NFYC: variants seen among roughly 807,000 people sequenced by gnomAD.
NFYC encodes the protein CAAT box DNA-binding protein subunit C.
NFYC carries 25 observed loss-of-function variants against 53.1 expected under a neutral mutation model. The ratio of observed to expected loss-of-function variants is 0.47; its 90% CI spans 0.34 to 0.66. The LOEUF is 0.66. NFYC is among the 30% of genes least tolerant of loss of function. NFYC has a pLI of 0.01. For missense variants in NFYC, 260 were observed against 422.7 expected, an observed-to-expected ratio of 0.62 and a Z score of 3.38; for synonymous variants, 145 against 152.6, an observed-to-expected ratio of 0.95 and a Z score of 0.37.
intron 1 of NFYC, among the ~76,000 whole-genome samples, chr1:40,727,527 A>G (rs1380532637): frequency 1.5e-5 from 2 of 134,356 alleles, no homozygotes; most frequent in African/African-American, 2.6e-5. Context: ...CTGGCCATGA[A>G]TATTCTTTTT....
chr1:40,721,966 G>C (rs9438948), intron 1 of NFYC, among the ~76,000 whole-genome samples: 118,362 of 151,992 alleles, frequency 0.78, 46,610 homozygotes, highest in African/African-American at 0.87. Context: ...GTCAGGAGAT[G>C]GAGACCATCC....
At chr1:40,748,442 C>A (rs1412465642) in intron 3 of NFYC, among the ~76,000 whole-genome samples, 1 of 152,184 alleles carries the variant, frequency 6.6e-6, no homozygotes, top group African/African-American at 2.4e-5. Flanking sequence ...CAGCTGGTAT[C>A]TCACAGTTCT....
intron 1 of NFYC, among the ~76,000 whole-genome samples, chr1:40,719,061 G>A (rs370904807): frequency 3.7e-4 from 56 of 152,226 alleles, no homozygotes; most frequent in African/African-American, 1.3e-3. Flanking sequence ...TAGTAGAGAC[G>A]GGGTTTCACC....
At position 40,730,659 on chromosome 1, in the gene NFYC, C is replaced by A; in HGVS notation, c.-8-8177C>A. 4.2e-6 allele frequency: 4 copies of A among 951,124 alleles called. No homozygotes were observed. The South Asian group carries it at 1.5e-4, about 35-fold the overall frequency. 58.9% of individuals were successfully genotyped at this position (951,124 alleles called of 1,614,324 possible). ...TTGTTGACATGTTAAGTTGGAGATG[C>A]ACAGGAATGGTTGGGAACTCAACCC... is the stretch of plus-strand genomic sequence containing the variant. On this transcript the variant is annotated intron_variant, in intron 1 of 9. Coordinates refer to ENST00000447388, the MANE Select transcript of NFYC (RefSeq NM_014223.5).
intron 1 of NFYC, among the ~76,000 whole-genome samples, chr1:40,722,516 G>A (rs1200505745): frequency 2.0e-5 from 3 of 152,182 alleles, no homozygotes; most frequent in Non-Finnish European, 4.4e-5. Flanking sequence ...AAGCTAGTTG[G>A]TCTTTAGGCT....
chr1:40,704,254 G>A (rs944922328), intron 1 of NFYC, among the ~76,000 whole-genome samples: 2 of 152,124 alleles, frequency 1.3e-5, no homozygotes, highest in African/African-American at 4.8e-5. Context: ...TGTATTGTTA[G>A]TAGAGACGGG....
intron 5 of NFYC, 80 bp from the exon 6 acceptor site, chr1:40,758,041 T>G: frequency 2.0e-6 from 3 of 1,527,796 alleles, no homozygotes; most frequent in Admixed American, 3.4e-5. Flanking sequence ...ATAGCCTGTT[T>G]GGGGGAAGAG....
chr1:40,765,252 G>C (rs898735263), intron 7 of NFYC, among the ~76,000 whole-genome samples: 1 of 152,216 alleles, frequency 6.6e-6, no homozygotes, highest in Non-Finnish European at 1.5e-5. Context: ...AGAAATGACT[G>C]CAGGTCCTAA....
At chr1:40,724,849 T>C (rs942246191) in intron 1 of NFYC, among the ~76,000 whole-genome samples, 1 of 152,224 alleles carries the variant, frequency 6.6e-6, no homozygotes, top group East Asian at 1.9e-4. Flanking sequence ...AGTTTGAAAA[T>C]GTGTCCTTGT....
intron 1 of NFYC, among the ~76,000 whole-genome samples, chr1:40,734,668 T>C (rs993830237): frequency 2.6e-5 from 4 of 152,164 alleles, no homozygotes; most frequent in African/African-American, 7.2e-5. Flanking sequence ...GCCTGCTTTA[T>C]ATATATAATA....
intron 2 of NFYC, among the ~76,000 whole-genome samples, chr1:40,741,619 T>C (rs1645349963): frequency 6.6e-6 from 1 of 151,978 alleles, no homozygotes; most frequent in Non-Finnish European, 1.5e-5. Flanking sequence ...TTTTCCTTTT[T>C]GGAGACAGGG....
intron 1 of NFYC, among the ~76,000 whole-genome samples, chr1:40,728,925 A>G (rs1162325577): frequency 1.3e-5 from 2 of 152,218 alleles, no homozygotes; most frequent in African/African-American, 2.4e-5. Context: ...GGCGTGAGCC[A>G]CTGCTCCCAG....
intron 1 of NFYC, among the ~76,000 whole-genome samples, chr1:40,702,828 G>GT (rs1360056045): frequency 1.3e-5 from 2 of 151,632 alleles, no homozygotes; most frequent in African/African-American, 4.8e-5. Context: ...TGCTTATAAT[G>GT]TTTTTTGAGA....
intron 1 of NFYC, among the ~76,000 whole-genome samples, chr1:40,708,009 G>A (rs1366618319): frequency 6.6e-6 from 1 of 152,062 alleles, no homozygotes; most frequent in Admixed American, 6.5e-5. Flanking sequence ...CCAACCATGG[G>A]TCAAAAATAT....
intron 1 of NFYC, among the ~76,000 whole-genome samples, chr1:40,730,048 C>T (rs910783162): frequency 1.3e-5 from 2 of 152,026 alleles, no homozygotes; most frequent in Admixed American, 6.6e-5. Flanking sequence ...GAGTTAGAGA[C>T]AGAGTTTTGT....
Position 40,771,271 on chromosome 1 carries a change from C to T in NFYC, c.*443C>T, listed in dbSNP as rs1044901030. On this transcript the variant is annotated 3_prime_UTR_variant, in exon 10 of 10. Transcript: ENST00000447388. Reference sequence around the variant, plus strand: ...CAGCTGCTACCCCCAAGACTTGCCACGTTGTTCTGCCCTCAGATGGAATTA... The same window carrying T: ...CAGCTGCTACCCCCAAGACTTGCCATGTTGTTCTGCCCTCAGATGGAATTA... 4 of 331,366 alleles carry T rather than the reference C, an allele frequency of 1.2e-5. No homozygotes were observed. The highest frequency in any genetic ancestry group is 2.2e-5 in the African/African-American group (1 of 45,642). The allele number at this position is 331,366 out of a possible 1,614,324, so 20.5% of individuals were successfully genotyped here.
intron 1 of NFYC, among the ~76,000 whole-genome samples, chr1:40,697,888 T>G (rs1482171209): frequency 1.3e-5 from 2 of 152,216 alleles, no homozygotes; most frequent in Non-Finnish European, 2.9e-5. Context: ...CTGTACTCAT[T>G]TTCAGTATTG....
intron 7 of NFYC, 127 bp downstream of exon 7, chr1:40,763,173 T>C (rs1301920501): frequency 2.5e-6 from 2 of 798,798 alleles, no homozygotes; most frequent in East Asian, 6.0e-5. Context: ...GCTATATATA[T>C]ACCTTGATAT....
At chr1:40,729,194 A>G (rs1175010833) in intron 1 of NFYC, among the ~76,000 whole-genome samples, 1 of 152,206 alleles carries the variant, frequency 6.6e-6, no homozygotes, top group African/African-American at 2.4e-5. Context: ...CTTTGTAGCT[A>G]TGAAAGTCCT....
Sources: gnomAD v4.1 joint callset for allele counts (sites outside exome capture counted in the v4.1 genomes callset) on GRCh38, gnomAD v4.1.1 for gene constraint, MANE v1.5 for transcripts, NCBI Gene and HGNC (gene_info 2026-07-23, HGNC 2026-07-21) for gene names.